Variants in MTR observed in about 807,000 individuals in gnomAD.
The protein encoded by MTR is 5-methyltetrahydrofolate-homocysteine methyltransferase.
In MTR, 84 loss-of-function variants were observed where a neutral mutation model predicts 154.8. That is an observed-to-expected ratio of 0.54 (90% CI 0.45 to 0.65). MTR has a LOEUF of 0.65. MTR is among the 30% of genes least tolerant of loss of function. The pLI is 0.00. For synonymous variants in MTR, 554 were observed against 553.9 expected, an observed-to-expected ratio of 1.00 and a Z score of 0.00; for missense variants, 1,275 against 1,570.2, an observed-to-expected ratio of 0.81 and a Z score of 3.18.
chr1:236,816,076 G>A (rs1301194145), intron 7 of MTR, among the ~76,000 whole-genome samples: 3 of 152,200 alleles, frequency 2.0e-5, no homozygotes, highest in Admixed American at 6.5e-5. Flanking sequence ...GGTGAGAAGC[G>A]AATTGAATCA....
At chr1:236,848,575 C>T (rs1029245252) in intron 15 of MTR, among the ~76,000 whole-genome samples, 7 of 152,164 alleles carry the variant, frequency 4.6e-5, no homozygotes, top group African/African-American at 1.2e-4. Context: ...AACCTTTTCA[C>T]TCTAACTGAA....
chr1:236,863,861 A>G (rs1664688404), intron 22 of MTR, among the ~76,000 whole-genome samples: 1 of 152,190 alleles, frequency 6.6e-6, no homozygotes, highest in Non-Finnish European at 1.5e-5. Context: ...AATAGCCGGA[A>G]TATCAGGCTC....
Position 236,797,212 on chromosome 1 carries a change from A to C in MTR, c.34+1475A>C, listed in dbSNP as rs150840603. Among the ~76,000 whole-genome samples, 154 of 152,276 alleles carry C rather than the reference A, an allele frequency of 1.0e-3. 1 individual carries two copies. The highest frequency in any genetic ancestry group is 3.3e-3 in the African/African-American group (139 of 41,552). On this transcript the variant is annotated intron_variant, in intron 1 of 32. Transcript: ENST00000366577. Reference sequence around the variant, plus strand: ...AGTCCAGCTTCTGTCTATGTGAGCAACTTTTATTGGGATTAGAATCAGGTT... The same window carrying C: ...AGTCCAGCTTCTGTCTATGTGAGCACCTTTTATTGGGATTAGAATCAGGTT...
rs1662155214 is a variant in MTR, at chr1:236,824,279, A to G, written c.865+60A>G. The G allele has an allele frequency of 3.0e-6, 4 of 1,311,606 alleles. No individual in the cohort carries two copies. In the South Asian group the frequency reaches 3.5e-5, roughly 12 times the overall value. The allele number at this position is 1,311,606 out of a possible 1,614,324, so 81.2% of individuals were successfully genotyped here. ...AAAAATAACATAAGACATGGCATAG[A>G]TGAGGTAAGAGATCTTGAATAAAAG... On this transcript the variant is annotated intron_variant, in intron 9 of 32. Transcript: ENST00000366577.
At chr1:236,877,192 C>T (rs533515222) in intron 24 of MTR, among the ~76,000 whole-genome samples, 27 of 152,354 alleles carry the variant, frequency 1.8e-4, no homozygotes, top group African/African-American at 6.5e-4. Flanking sequence ...TAATTAGTGA[C>T]AGTGGATGAG....
chr1:236,809,575 A>G (rs1661185580), intron 4 of MTR, among the ~76,000 whole-genome samples: 1 of 152,242 alleles, frequency 6.6e-6, no homozygotes, highest in South Asian at 2.1e-4. Flanking sequence ...CTATTACTCC[A>G]ACAGAGTCAC....
intron 8 of MTR, among the ~76,000 whole-genome samples, chr1:236,818,395 C>A (rs79661419): frequency 0.042 from 6,406 of 152,214 alleles, 291 homozygotes; most frequent in African/African-American, 0.1. Flanking sequence ...TGACAGTTCT[C>A]AAGGGCCCCT....
intron 12 of MTR, 63 bp downstream of exon 12, chr1:236,829,331 A>T: frequency 7.4e-7 from 1 of 1,346,404 alleles, no homozygotes. Context: ...GAGTATTCTA[A>T]GTGGTAGTGA....
chr1:236,815,214 GAGTGC>G (rs1274172003), intron 6 of MTR, among the ~76,000 whole-genome samples: 10 of 152,298 alleles, frequency 6.6e-5, no homozygotes, highest in African/African-American at 2.4e-4. Context: ...ATCAGGGCTG[GAGTGC>G]AGTGGCATAA....
In MTR at chr1:236,803,562, A is replaced by C. The variant is rs1435000607; in HGVS notation, c.169A>C (p.Lys57Gln). The change falls in exon 2 of 33, where the codon AAA (lysine) becomes CAA (glutamine). Residue 57 changes from lysine to glutamine, a missense_variant. Physicochemically the swap from Lys to Gln is moderately conservative, Grantham distance 53. Coordinates refer to ENST00000366577, the MANE Select transcript of MTR (RefSeq NM_000254.3). ...NEEHFRGQEF[K>Q]DHARPLKGNN... ...AGAACACTTCCGAGGTCAGGAATTT[A>C]AAGATCATGCCAGGCCGCTGAAAGG... 1.2e-6 allele frequency: 2 copies of C among 1,614,220 alleles called. No individual in the cohort carries two copies. Among genetic ancestry groups the C allele is most frequent in the East Asian group, 2.2e-5 (1 of 44,888 alleles).
intron 18 of MTR, among the ~76,000 whole-genome samples, chr1:236,855,738 T>C (rs1345739496): frequency 1.3e-5 from 2 of 152,194 alleles, no homozygotes; most frequent in Non-Finnish European, 2.9e-5. Flanking sequence ...CACGTACAGA[T>C]ACAAGGAGTA....
intron 8 of MTR, among the ~76,000 whole-genome samples, chr1:236,821,420 A>G (rs946119480): frequency 5.9e-5 from 9 of 152,210 alleles, no homozygotes; most frequent in Admixed American, 4.6e-4. Flanking sequence ...TTAAATTTCA[A>G]CATGAATTTT....
chr1:236,824,051 T>C (rs1244619829), intron 8 of MTR, 68 bp from the exon 9 acceptor site: 2 of 1,291,884 alleles, frequency 1.5e-6, no homozygotes, highest in East Asian at 4.6e-5. Context: ...ATTGTCTCCA[T>C]ATATAACTTA....
intron 11 of MTR, among the ~76,000 whole-genome samples, chr1:236,828,417 G>A (rs1662425030): frequency 6.6e-6 from 1 of 152,076 alleles, no homozygotes; most frequent in Non-Finnish European, 1.5e-5. Flanking sequence ...ATGTCTGTGT[G>A]TATGTTTGTG....
chr1:236,823,548 T>C (rs1662096487), intron 8 of MTR, among the ~76,000 whole-genome samples: 1 of 152,084 alleles, frequency 6.6e-6, no homozygotes, highest in South Asian at 2.1e-4. Flanking sequence ...AGGAAAAAAG[T>C]AAAATGTGAT....
At chr1:236,871,336 A>G (rs966503683) in intron 22 of MTR, among the ~76,000 whole-genome samples, 9 of 151,954 alleles carry the variant, frequency 5.9e-5, no homozygotes, top group African/African-American at 9.7e-5. Context: ...CCACAACTCT[A>G]TCCTTCTCCG....
chr1:236,799,927 A>G, intron 1 of MTR: 1 of 385,500 alleles, frequency 2.6e-6, no homozygotes, highest in Non-Finnish European at 3.5e-6. Context: ...AGATGTTTTT[A>G]AACAGCTTTT....
chr1:236,881,750 A>G (rs1665748754), intron 25 of MTR, among the ~76,000 whole-genome samples: 1 of 152,084 alleles, frequency 6.6e-6, no homozygotes, highest in Non-Finnish European at 1.5e-5. Flanking sequence ...ATTTATTTAC[A>G]TGAAAGTTAT....
At position 236,898,011 on chromosome 1, in the gene MTR, C is replaced by G. The variant is rs1453832914; in HGVS notation, c.*367C>G. On this transcript the variant is annotated 3_prime_UTR_variant, in exon 33 of 33. Transcript: ENST00000366577. Reference sequence around the variant, plus strand: ...GAGGCCACTTAGTCGTCTTTTTTTCCTCTTAGAAGAAAAGCCTGAAACTGA... The same window carrying G: ...GAGGCCACTTAGTCGTCTTTTTTTCGTCTTAGAAGAAAAGCCTGAAACTGA... 5 of 256,776 alleles carry G rather than the reference C, an allele frequency of 1.9e-5. No individual in the cohort carries two copies. The highest frequency in any genetic ancestry group is 3.8e-5 in the Non-Finnish European group (5 of 132,966). 15.9% of individuals were successfully genotyped at this position (256,776 alleles called of 1,614,324 possible). A position where few individuals can be genotyped will look rare whatever the true frequency, so the allele number is the denominator to read the frequency against.
Sources: allele counts gnomAD v4.1 joint callset (sites outside exome capture counted in the v4.1 genomes callset), GRCh38; gene constraint gnomAD v4.1.1; transcripts MANE v1.5; gene names NCBI Gene and HGNC (gene_info 2026-07-23, HGNC 2026-07-21).